Variants in DLC1 observed in about 807,000 individuals in gnomAD.
The protein encoded by DLC1 is DLC1 Rho GTPase activating protein.
In DLC1, 54 loss-of-function variants were observed where a neutral mutation model predicts 140.3. The observed-to-expected ratio is 0.38, with a 90% CI of 0.31 to 0.48. The LOEUF is 0.48. DLC1 is among the 20% of genes least tolerant of loss of function. The pLI, the probability that DLC1 is intolerant of heterozygous loss-of-function variation, is 0.96. For missense variants in DLC1, 2,536 were observed against 1,907.0 expected (o/e 1.33, Z -6.14); for synonymous variants, 986 against 728.1 (o/e 1.35, Z -5.70).
intron 5 of DLC1, among the ~76,000 whole-genome samples, chr8:13,222,842 C>G (rs1485121670): frequency 1.3e-5 from 2 of 152,126 alleles, no homozygotes; most frequent in African/African-American, 2.4e-5. Context: ...CTCCCAGGCT[C>G]AAGCAATCCT....
At chr8:13,311,084 T>C (rs1330032366) in intron 4 of DLC1, among the ~76,000 whole-genome samples, 1 of 152,228 alleles carries the variant, frequency 6.6e-6, no homozygotes, top group East Asian at 1.9e-4. Context: ...TACATAATTA[T>C]AAAAATTCAG....
intron 1 of DLC1, among the ~76,000 whole-genome samples, chr8:13,588,760 G>A (rs991127333): frequency 1.3e-5 from 2 of 152,080 alleles, no homozygotes; most frequent in African/African-American, 4.8e-5. Flanking sequence ...ATAGGCTTGG[G>A]ATGCATGGTT....
At chr8:13,142,498 C>G (rs1160652998) in intron 5 of DLC1, among the ~76,000 whole-genome samples, 1 of 152,092 alleles carries the variant, frequency 6.6e-6, no homozygotes, top group African/African-American at 2.4e-5. Flanking sequence ...ATATCTGAAT[C>G]TCTAATAATA....
intron 2 of DLC1, among the ~76,000 whole-genome samples, chr8:13,416,465 G>A (rs1322309955): frequency 6.6e-6 from 1 of 152,082 alleles, no homozygotes; most frequent in African/African-American, 2.4e-5. Context: ...ATTGAGTGCA[G>A]ACATACAAAA....
At chr8:13,410,714 C>T (rs1837745152) in intron 2 of DLC1, among the ~76,000 whole-genome samples, 1 of 151,932 alleles carries the variant, frequency 6.6e-6, no homozygotes, top group South Asian at 2.1e-4. Context: ...AAGATATATA[C>T]TTGCTCTGGA....
rs1800682938 is a variant in DLC1 at position 13,480,553 on chromosome 8, G to A, written c.1023+18496C>T. On this transcript the variant is annotated intron_variant, in intron 2 of 17. Transcript: ENST00000276297. Reference sequence around the variant, plus strand: ...ATGGTCTTTGAATCTTTATCCTATAGGTGAAGCACAGAATGATAATAGTCA... The same window carrying A: ...ATGGTCTTTGAATCTTTATCCTATAAGTGAAGCACAGAATGATAATAGTCA... 2.0e-5 allele frequency among the ~76,000 whole-genome samples: 3 copies of A among 152,132 alleles called. No homozygotes were observed. In the East Asian group the frequency reaches 5.8e-4, roughly 29 times the overall value.
intron 5 of DLC1, among the ~76,000 whole-genome samples, chr8:13,131,085 G>A (rs1414652782): frequency 2.6e-5 from 4 of 152,154 alleles, no homozygotes; most frequent in Non-Finnish European, 5.9e-5. Context: ...GGTTCCCCAG[G>A]ACTTTAGTTC....
At chr8:13,408,070 T>A (rs2117283429) in intron 2 of DLC1, among the ~76,000 whole-genome samples, 1 of 152,318 alleles carries the variant, frequency 6.6e-6, no homozygotes, top group Middle Eastern at 3.4e-3. Flanking sequence ...TAAGTCAGAA[T>A]TTCTAGGCAA....
At chr8:13,303,556 C>A (rs887725598) in intron 5 of DLC1, among the ~76,000 whole-genome samples, 5 of 152,180 alleles carry the variant, frequency 3.3e-5, no homozygotes, top group African/African-American at 9.7e-5. Context: ...AATCCCAGCA[C>A]TTTGGGAGGC....
At chr8:13,362,710 T>G (rs1005599207) in intron 4 of DLC1, among the ~76,000 whole-genome samples, 4 of 152,258 alleles carry the variant, frequency 2.6e-5, no homozygotes, top group African/African-American at 9.6e-5. Flanking sequence ...AAACTCAAAT[T>G]TACCATAATC....
chr8:13,099,256 C>T, intron 9 of DLC1, 91 bp downstream of exon 9: 11 of 1,514,708 alleles, frequency 7.3e-6, no homozygotes, highest in Non-Finnish European at 9.7e-6. Context: ...GAATGCCAGA[C>T]TTAATCCCAT....
At chr8:13,578,675 C>T (rs990389058) in intron 1 of DLC1, among the ~76,000 whole-genome samples, 1 of 152,168 alleles carries the variant, frequency 6.6e-6, no homozygotes, top group African/African-American at 2.4e-5. Flanking sequence ...AACACATTTG[C>T]TGGTTTATTA....
At chr8:13,395,835 G>GTCT (rs1435058708) in intron 3 of DLC1, among the ~76,000 whole-genome samples, 6 of 148,834 alleles carry the variant, frequency 4.0e-5, no homozygotes, top group African/African-American at 1.2e-4. Context: ...TCAGGGCCAT[G>GTCT]TCTTCTTCTT....
At chr8:13,455,619 G>A (rs1040920033) in intron 2 of DLC1, among the ~76,000 whole-genome samples, 1 of 152,162 alleles carries the variant, frequency 6.6e-6, no homozygotes, top group Non-Finnish European at 1.5e-5. Flanking sequence ...CCTTCTCAGT[G>A]AATTCTTCTC....
At chr8:13,544,913 G>A (rs1182577690) in intron 1 of DLC1, among the ~76,000 whole-genome samples, 2 of 152,036 alleles carry the variant, frequency 1.3e-5, no homozygotes, top group East Asian at 3.9e-4. Context: ...CCACTTAAGA[G>A]CCACAGTGAG....
chr8:13,175,766 A>C (rs990801938), intron 5 of DLC1, among the ~76,000 whole-genome samples: 3 of 152,170 alleles, frequency 2.0e-5, no homozygotes, highest in Non-Finnish European at 4.4e-5. Context: ...TGACATGCTT[A>C]ATACATGTAT....
chr8:13,542,217 C>A (rs575800262), intron 1 of DLC1, among the ~76,000 whole-genome samples: 3 of 152,044 alleles, frequency 2.0e-5, no homozygotes, highest in African/African-American at 7.2e-5. Context: ...GGCCTGTGTT[C>A]TATTTAGAGA....
At chr8:13,422,575 C>G (rs1193636943) in intron 2 of DLC1, among the ~76,000 whole-genome samples, 1 of 151,962 alleles carries the variant, frequency 6.6e-6, no homozygotes, top group Admixed American at 6.6e-5. Context: ...GGGTGTTGTG[C>G]CAGTGTAAGT....
At chr8:13,329,006 G>C (rs1191861377) in intron 4 of DLC1, among the ~76,000 whole-genome samples, 1 of 152,162 alleles carries the variant, frequency 6.6e-6, no homozygotes, top group South Asian at 2.1e-4. Flanking sequence ...AGTTGAAGAG[G>C]AAGCTGGAGG....
Sources: allele counts gnomAD v4.1 joint callset (sites outside exome capture counted in the v4.1 genomes callset), GRCh38; gene constraint gnomAD v4.1.1; transcripts MANE v1.5; gene names NCBI Gene and HGNC (gene_info 2026-07-23, HGNC 2026-07-21).